The following CNBD1 variants were observed in gnomAD, a reference collection of about 807,000 sequenced individuals.
CNBD1 encodes the protein cyclic nucleotide binding domain containing 1.
CNBD1 carries 71 observed loss-of-function variants against 54.4 expected under a neutral mutation model. That is an observed-to-expected ratio of 1.30 (90% CI 1.08 to 1.59). The LOEUF (loss-of-function observed/expected upper bound fraction) is 1.59, where lower values mean the gene tolerates loss of function less well. Ranked by LOEUF, CNBD1 falls within the 40% of genes most tolerant of loss-of-function variation. The pLI, the probability that CNBD1 is intolerant of heterozygous loss-of-function variation, is 0.00. For synonymous variants in CNBD1, 182 were observed against 170.7 expected, an observed-to-expected ratio of 1.07 and a Z score of -0.51; for missense variants, 659 against 518.0, an observed-to-expected ratio of 1.27 and a Z score of -2.64.
At position 87,351,668 on chromosome 8, in the gene CNBD1, A is replaced by C. The variant is rs1428631013; in HGVS notation, c.1043-17A>C. The C allele has an allele frequency of 1.4e-6, 2 of 1,475,222 alleles. No homozygotes were observed. Among genetic ancestry groups the C allele is most frequent in the Non-Finnish European group, 9.0e-7 (1 of 1,115,494 alleles). The allele number at this position is 1,475,222 out of a possible 1,614,324, so 91.4% of individuals were successfully genotyped here. The stretch of plus-strand genomic sequence containing the variant: ...AAGACAAGAATGTGTGAAATGAACT[A>C]TCTCTCTTCTTTTCAGTGATAGTGG... On this transcript the variant is annotated splice_polypyrimidine_tract_variant and intron_variant, in intron 8 of 10. Transcript: ENST00000518476.
intron 3 of CNBD1, among the ~76,000 whole-genome samples, chr8:86,927,111 G>A (rs1011348967): frequency 2.0e-5 from 3 of 152,092 alleles, no homozygotes; most frequent in African/African-American, 7.2e-5. Flanking sequence ...ATGTTAAAGA[G>A]GTGTGTGAGT....
intron 6 of CNBD1, among the ~76,000 whole-genome samples, chr8:87,284,108 T>C (rs1326807759): frequency 6.6e-6 from 1 of 152,020 alleles, no homozygotes; most frequent in Non-Finnish European, 1.5e-5. Context: ...GCCCTCCACT[T>C]TTTCCTGAGT....
chr8:87,254,417 G>T (rs1315170217), intron 6 of CNBD1, among the ~76,000 whole-genome samples: 1 of 152,176 alleles, frequency 6.6e-6, no homozygotes, highest in African/African-American at 2.4e-5. Context: ...TATAATTTTT[G>T]TCATGATAAG....
chr8:87,036,429 C>T (rs1262820853), intron 4 of CNBD1, among the ~76,000 whole-genome samples: 3 of 151,822 alleles, frequency 2.0e-5, no homozygotes, highest in Non-Finnish European at 4.4e-5. Flanking sequence ...CCCATCTCTA[C>T]TGAAAATACA....
At chr8:87,261,540 A>AT (rs1808140660) in intron 6 of CNBD1, among the ~76,000 whole-genome samples, 2 of 151,612 alleles carry the variant, frequency 1.3e-5, no homozygotes, top group African/African-American at 4.9e-5. Flanking sequence ...AAAAAAAAAA[A>AT]AAAAAAAGAG....
chr8:87,289,735 C>T (rs1283957653), intron 8 of CNBD1, among the ~76,000 whole-genome samples: 1 of 151,942 alleles, frequency 6.6e-6, no homozygotes, highest in Admixed American at 6.6e-5. Flanking sequence ...TATCTCAAAC[C>T]AAATGTGGAG....
chr8:87,312,723 A>G (rs1181536197), intron 8 of CNBD1, among the ~76,000 whole-genome samples: 1 of 152,026 alleles, frequency 6.6e-6, no homozygotes, highest in Non-Finnish European at 1.5e-5. Context: ...TTTAAAAAAC[A>G]AATCTAGCAC....
chr8:87,255,590 T>C (rs1046086352), intron 6 of CNBD1, among the ~76,000 whole-genome samples: 2 of 151,886 alleles, frequency 1.3e-5, no homozygotes, highest in African/African-American at 4.8e-5. Flanking sequence ...TAAATATCTG[T>C]TGTTATAATT....
At chr8:87,073,463 G>A (rs887070146) in intron 4 of CNBD1, among the ~76,000 whole-genome samples, 1 of 152,088 alleles carries the variant, frequency 6.6e-6, no homozygotes, top group Non-Finnish European at 1.5e-5. Context: ...TGAGGTTGCT[G>A]ACCTTTGAAT....
At chr8:87,045,260 C>A (rs190566333) in intron 4 of CNBD1, among the ~76,000 whole-genome samples, 2 of 152,164 alleles carry the variant, frequency 1.3e-5, no homozygotes, top group African/African-American at 2.4e-5. Flanking sequence ...TAACACAAGA[C>A]ATACAAGAAA....
At chr8:87,350,311 T>A (rs1279304291) in intron 8 of CNBD1, among the ~76,000 whole-genome samples, 1 of 152,052 alleles carries the variant, frequency 6.6e-6, no homozygotes, top group East Asian at 1.9e-4. Flanking sequence ...AATAAATGAT[T>A]GACAACAGTA....
chr8:87,112,018 G>A (rs1444914519), intron 4 of CNBD1, among the ~76,000 whole-genome samples: 1 of 152,088 alleles, frequency 6.6e-6, no homozygotes, highest in Non-Finnish European at 1.5e-5. Context: ...CTCCCTTATT[G>A]TTTCCGTAAA....
At chr8:87,198,614 A>G (rs1259926924) in intron 4 of CNBD1, among the ~76,000 whole-genome samples, 1 of 152,230 alleles carries the variant, frequency 6.6e-6, no homozygotes, top group Admixed American at 6.5e-5. Flanking sequence ...AAAGAGTTCA[A>G]GAAAAGCATG....
intron 4 of CNBD1, among the ~76,000 whole-genome samples, chr8:87,012,947 G>A (rs1025843499): frequency 2.0e-5 from 3 of 152,186 alleles, no homozygotes; most frequent in Non-Finnish European, 2.9e-5. Flanking sequence ...CCTCCTGAGG[G>A]CTATGTCATA....
At chr8:87,137,282 C>T (rs565942152) in intron 4 of CNBD1, among the ~76,000 whole-genome samples, 3 of 149,930 alleles carry the variant, frequency 2.0e-5, no homozygotes, top group East Asian at 1.9e-4. Flanking sequence ...CTGCAAGCTC[C>T]GCCTCCTGGG....
intron 4 of CNBD1, among the ~76,000 whole-genome samples, chr8:86,957,568 G>T (rs189945145): frequency 6.6e-6 from 1 of 152,168 alleles, no homozygotes; most frequent in African/African-American, 2.4e-5. Flanking sequence ...GAGGGTGTAT[G>T]TGTCCAGAAA....
intron 2 of CNBD1, among the ~76,000 whole-genome samples, chr8:87,410,546 C>T: frequency 6.6e-6 from 1 of 152,096 alleles, no homozygotes; most frequent in Non-Finnish European, 1.5e-5. Flanking sequence ...AGATACATCA[C>T]CTCCTGGTGA....
At chr8:87,185,291 G>A (rs909010604) in intron 4 of CNBD1, among the ~76,000 whole-genome samples, 2 of 152,106 alleles carry the variant, frequency 1.3e-5, no homozygotes, top group Non-Finnish European at 2.9e-5. Context: ...AAATGATGTT[G>A]AAATTTGACT....
intron 3 of CNBD1, among the ~76,000 whole-genome samples, chr8:86,915,354 G>A (rs546165016): frequency 9.2e-5 from 14 of 152,246 alleles, no homozygotes; most frequent in Middle Eastern, 3.4e-3. Context: ...GAAGTTGCAC[G>A]TCTTGTGACC....
Sources: gnomAD v4.1 joint callset for allele counts (sites outside exome capture counted in the v4.1 genomes callset) on GRCh38, gnomAD v4.1.1 for gene constraint, MANE v1.5 for transcripts, NCBI Gene and HGNC (gene_info 2026-07-23, HGNC 2026-07-21) for gene names.